GRID2: variants seen among roughly 807,000 people sequenced by gnomAD.
The protein encoded by GRID2 is glutamate receptor ionotropic, delta-2.
A neutral mutation model predicts 114.8 loss-of-function variants in GRID2; 33 were observed. The ratio of observed to expected loss-of-function variants is 0.29; its 90% CI spans 0.22 to 0.38. The LOEUF (loss-of-function observed/expected upper bound fraction) is 0.38, where lower values mean the gene tolerates loss of function less well. GRID2 is among the 10% of genes least tolerant of loss of function. The pLI is 1.00. For synonymous variants in GRID2, 505 were observed against 449.9 expected, an observed-to-expected ratio of 1.12 and a Z score of -1.55; for missense variants, 1,184 against 1,257.7, an observed-to-expected ratio of 0.94 and a Z score of 0.89.
chr4:93,254,235 A>T (rs1005158608), intron 8 of GRID2, among the ~76,000 whole-genome samples: 4 of 152,108 alleles, frequency 2.6e-5, no homozygotes, highest in African/African-American at 9.6e-5. Flanking sequence ...GGGTTATTAA[A>T]TCCTGTTATA....
chr4:93,391,764 A>C (rs1231933256), intron 8 of GRID2, among the ~76,000 whole-genome samples: 1 of 152,190 alleles, frequency 6.6e-6, no homozygotes, highest in African/African-American at 2.4e-5. Flanking sequence ...AAGAGTAAAT[A>C]TTTAAAACTT....
intron 2 of GRID2, among the ~76,000 whole-genome samples, chr4:92,915,995 A>G (rs1006791648): frequency 1.3e-5 from 2 of 152,126 alleles, no homozygotes; most frequent in Non-Finnish European, 2.9e-5. Flanking sequence ...TACTTTGCAA[A>G]TATTTTCTCC....
intron 5 of GRID2, 59 bp from the exon 6 acceptor site, chr4:93,216,679 G>A (rs1242693705): frequency 4.5e-6 from 5 of 1,100,634 alleles, no homozygotes; most frequent in East Asian, 4.8e-5. Context: ...ACTCATAATA[G>A]GTTTGTGTTT....
intron 2 of GRID2, among the ~76,000 whole-genome samples, chr4:92,898,534 G>A (rs1747335031): frequency 6.6e-6 from 1 of 152,080 alleles, no homozygotes; most frequent in African/African-American, 2.4e-5. Flanking sequence ...GTTAAATGTA[G>A]CATAAAACTT....
In GRID2 at chr4:92,941,663, G is replaced by A. The variant is rs537145964; in HGVS notation, c.245-143332G>A. Among the ~76,000 whole-genome samples the A allele has an allele frequency of 5.3e-5, 8 of 152,094 alleles. No homozygotes were observed. The South Asian group carries it at 1.7e-3, about 32-fold the overall frequency. On this transcript the variant is annotated intron_variant, in intron 2 of 15. Transcript: ENST00000282020. ...CCAGTTCTTTTAATTGTGATGTTGG[G>A]GTGTCAATTTTAGATCTTTCCTGCT...
intron 14 of GRID2, among the ~76,000 whole-genome samples, chr4:93,670,098 A>C (rs1724280605): frequency 6.6e-6 from 1 of 152,200 alleles, no homozygotes; most frequent in Non-Finnish European, 1.5e-5. Context: ...AAAGTATGGC[A>C]AAAAGCATAA....
chr4:92,579,822 T>C (rs1456103371), intron 1 of GRID2, among the ~76,000 whole-genome samples: 1 of 151,104 alleles, frequency 6.6e-6, no homozygotes, highest in Admixed American at 6.6e-5. Context: ...TAAAATACTA[T>C]TTAGAAATTG....
At chr4:93,793,763 C>G (rs1734743622) in intron 1 of GRID2, among the ~76,000 whole-genome samples, 1 of 152,116 alleles carries the variant, frequency 6.6e-6, no homozygotes, top group Non-Finnish European at 1.5e-5. Context: ...GGAAGCTAAG[C>G]CTCAAAGCTT....
chr4:93,638,299 A>ATTTTTTTTTTTTTTTTTTT (rs1446023634), intron 14 of GRID2, among the ~76,000 whole-genome samples: 7 of 84,120 alleles, frequency 8.3e-5, no homozygotes, highest in African/African-American at 1.3e-4. Context: ...TAAAACTTGC[A>ATTTTTTTTTTTTTTTTTTT]TCTTTTTTTT....
In GRID2 at chr4:93,397,484, G is replaced by A. The variant is rs184174390; in HGVS notation, c.1347+1776G>A. Among the ~76,000 whole-genome samples the A allele has an allele frequency of 8.9e-4, 135 of 152,104 alleles. 1 individual carries two copies. The highest frequency in any genetic ancestry group is 2.7e-3 in the African/African-American group (112 of 41,548). On this transcript the variant is annotated intron_variant, in intron 9 of 15. Transcript: ENST00000282020. ...CTTTGTTTTCCTTTGAGAAAAGAAA[G>A]CAAATCTTTAAGTCCAATTAACCTC...
At chr4:92,555,283 A>C (rs1310482164) in intron 1 of GRID2, among the ~76,000 whole-genome samples, 1 of 152,196 alleles carries the variant, frequency 6.6e-6, no homozygotes, top group Non-Finnish European at 1.5e-5. Flanking sequence ...AGTTGCACTA[A>C]ATGTATGTAG....
chr4:93,079,452 G>A (rs570553991), intron 2 of GRID2, among the ~76,000 whole-genome samples: 1 of 151,200 alleles, frequency 6.6e-6, no homozygotes, highest in Non-Finnish European at 1.5e-5. Flanking sequence ...TTGTAATAAG[G>A]GAGAGTTAAA....
At chr4:93,565,943 T>C (rs1215556641) in intron 13 of GRID2, among the ~76,000 whole-genome samples, 1 of 152,158 alleles carries the variant, frequency 6.6e-6, no homozygotes, top group Non-Finnish European at 1.5e-5. Context: ...TATGAAAACT[T>C]TGGTGGCTTA....
chr4:92,958,866 G>T (rs1270769390), intron 2 of GRID2, among the ~76,000 whole-genome samples: 1 of 151,886 alleles, frequency 6.6e-6, no homozygotes, highest in Admixed American at 6.6e-5. Context: ...CACCTATTCA[G>T]ATTGCCATTT....
chr4:92,408,838 G>A (rs898203286), intron 1 of GRID2, among the ~76,000 whole-genome samples: 2 of 151,966 alleles, frequency 1.3e-5, no homozygotes, highest in African/African-American at 4.8e-5. Flanking sequence ...ATTATGAAAC[G>A]TTACTGTATT....
intron 1 of GRID2, among the ~76,000 whole-genome samples, chr4:92,415,740 GTATATATATA>G (rs70940888): frequency 0.11 from 9,304 of 82,320 alleles, 692 homozygotes; most frequent in African/African-American, 0.21. Context: ...GTGTATGTGT[GTATATATATA>G]TATATATATA....
At chr4:93,087,025 T>G (rs1422286459) in intron 3 of GRID2, among the ~76,000 whole-genome samples, 1 of 150,946 alleles carries the variant, frequency 6.6e-6, no homozygotes, top group Non-Finnish European at 1.5e-5. Context: ...GTGATTTATT[T>G]ATTTATTTAT....
At chr4:93,725,848 A>T (rs992579766) in intron 14 of GRID2, among the ~76,000 whole-genome samples, 2 of 151,728 alleles carry the variant, frequency 1.3e-5, no homozygotes, top group Admixed American at 1.3e-4. Flanking sequence ...TTTTCTTGTA[A>T]ATTTGTTTGA....
chr4:92,486,462 C>A (rs1056354041), intron 1 of GRID2, among the ~76,000 whole-genome samples: 19 of 149,562 alleles, frequency 1.3e-4, no homozygotes, highest in Non-Finnish European at 2.4e-4. Flanking sequence ...ACATAGAAAA[C>A]CAGATTAATA....
Sources: gnomAD v4.1 joint callset for allele counts (sites outside exome capture counted in the v4.1 genomes callset) on GRCh38, gnomAD v4.1.1 for gene constraint, MANE v1.5 for transcripts, NCBI Gene and HGNC (gene_info 2026-07-23, HGNC 2026-07-21) for gene names.